Variants in KCNMA1 observed in about 807,000 individuals in gnomAD.
The protein encoded by KCNMA1 is potassium calcium-activated channel subfamily M alpha 1, also known as Calcium-activated potassium channel subunit alpha-1.
In KCNMA1, 29 loss-of-function variants were observed where a neutral mutation model predicts 140.0. The observed-to-expected ratio is 0.21, with a 90% CI of 0.15 to 0.28. KCNMA1 has a LOEUF of 0.28. KCNMA1 is among the 10% of genes least tolerant of loss of function. The probability of loss-of-function intolerance (pLI) is 1.00; values close to 1 mark genes in which losing one functional copy is unlikely to be tolerated. For synonymous variants in KCNMA1, 612 were observed against 611.9 expected, an observed-to-expected ratio of 1.00 and a Z score of 0.00; for missense variants, 880 against 1,602.2, an observed-to-expected ratio of 0.55 and a Z score of 7.70.
At chr10:77,203,727 C>A (rs76484494) in intron 3 of KCNMA1, among the ~76,000 whole-genome samples, 1,574 of 152,192 alleles carry the variant, frequency 0.01, 29 homozygotes, top group African/African-American at 0.035. Flanking sequence ...GATTATAATT[C>A]AACAGTACCA....
At chr10:77,068,688 G>A (rs949521857) in intron 14 of KCNMA1, among the ~76,000 whole-genome samples, 11 of 122,798 alleles carry the variant, frequency 9.0e-5, no homozygotes, top group South Asian at 3.1e-4. Context: ...AGCATACTGT[G>A]TTCCAGGTTT....
chr10:77,630,189 T>C (rs1392957639), intron 1 of KCNMA1, among the ~76,000 whole-genome samples: 3 of 152,218 alleles, frequency 2.0e-5, no homozygotes, highest in African/African-American at 4.8e-5. Flanking sequence ...TAATGCCCAC[T>C]GACTTCAAAC....
intron 3 of KCNMA1, among the ~76,000 whole-genome samples, chr10:77,191,044 T>C (rs1423630634): frequency 2.6e-5 from 4 of 152,188 alleles, no homozygotes; most frequent in Non-Finnish European, 5.9e-5. Context: ...TGATATCATA[T>C]GGATATGGAT....
In KCNMA1 at chr10:77,039,535, C is replaced by T; in HGVS notation, c.1852G>A (p.Val618Ile). 1 of 1,587,872 alleles carries T rather than the reference C, an allele frequency of 6.3e-7. No individual in the cohort carries two copies. Among genetic ancestry groups the T allele is most frequent in the Non-Finnish European group, 8.7e-7 (1 of 1,155,934 alleles). Residue 618 changes from valine (V) to isoleucine (I), a missense_variant, in exon 15 of 28, where the codon GTT becomes ATT. This residue lies in a region of KCNMA1 where 198 missense variants were observed against 580.1 expected (regional missense o/e 0.34). Coordinates refer to ENST00000286628, the MANE Select transcript of KCNMA1 (RefSeq NM_001161352.2). ...SAFVGLSFPTVCELCFVKLKL... is the reference protein window; with the variant it reads ...SAFVGLSFPTICELCFVKLKL... Reference sequence around the variant, plus strand: ...CAGTTAAAGGTCACTTACTCACAAACAGTAGGGAAGGACAGACCCACGAAG... The same window carrying T: ...CAGTTAAAGGTCACTTACTCACAAATAGTAGGGAAGGACAGACCCACGAAG...
At chr10:77,353,817 T>C (rs2154391906) in intron 2 of KCNMA1, among the ~76,000 whole-genome samples, 1 of 152,270 alleles carries the variant, frequency 6.6e-6, no homozygotes, top group South Asian at 2.1e-4. Flanking sequence ...AGATTAGAAC[T>C]CAGGGATTAT....
At chr10:77,300,035 T>A (rs1179009031) in intron 2 of KCNMA1, among the ~76,000 whole-genome samples, 1 of 152,226 alleles carries the variant, frequency 6.6e-6, no homozygotes, top group Non-Finnish European at 1.5e-5. Context: ...ATGCTGAGCC[T>A]CTGTGGCATT....
intron 10 of KCNMA1, 46 bp downstream of exon 10, chr10:77,090,354 G>C: frequency 8.2e-7 from 1 of 1,226,052 alleles, no homozygotes; most frequent in Non-Finnish European, 1.2e-6. Context: ...TCCCTCGCAG[G>C]GTGTGTGGTT....
Position 76,929,058 on chromosome 10 carries a change from GT to G in KCNMA1, c.2903-14010del, listed in dbSNP as rs573651810. On this transcript the variant is annotated intron_variant, in intron 23 of 27. Coordinates refer to ENST00000286628, the MANE Select transcript of KCNMA1 (RefSeq NM_001161352.2). ...ATATACTTAATGCTCACAGAAATGAGTTTTTTTTAAAAAAGTTTCAATATCT... is the reference window on the plus strand; with the variant it reads ...ATATACTTAATGCTCACAGAAATGAGTTTTTTTAAAAAAGTTTCAATATCT... 7.7e-3 allele frequency among the ~76,000 whole-genome samples: 1,175 copies of G among 151,868 alleles called. 14 individuals are homozygous for G. Among genetic ancestry groups the G allele is most frequent in the African/African-American group, 0.027 (1,126 of 41,430 alleles).
At chr10:77,600,042 C>G (rs1471696389) in intron 1 of KCNMA1, among the ~76,000 whole-genome samples, 2 of 152,236 alleles carry the variant, frequency 1.3e-5, no homozygotes, top group Non-Finnish European at 2.9e-5. Context: ...TCACCCTGAG[C>G]ATACGCTGTG....
intron 19 of KCNMA1, among the ~76,000 whole-genome samples, chr10:76,990,439 G>C (rs564284118): frequency 3.7e-4 from 56 of 152,268 alleles, no homozygotes; most frequent in Non-Finnish European, 7.4e-4. Context: ...CCCTAACATA[G>C]AGAGGAGGAA....
intron 1 of KCNMA1, among the ~76,000 whole-genome samples, chr10:77,551,500 C>T (rs1165390728): frequency 6.6e-6 from 1 of 152,170 alleles, no homozygotes. Flanking sequence ...GACTGGATCC[C>T]AAATCCCTGT....
intron 1 of KCNMA1, among the ~76,000 whole-genome samples, chr10:77,462,891 C>T (rs890373772): frequency 2.0e-5 from 3 of 152,176 alleles, no homozygotes; most frequent in African/African-American, 7.2e-5. Flanking sequence ...GCTTGGGAAA[C>T]AGCCAGCATC....
intron 1 of KCNMA1, among the ~76,000 whole-genome samples, chr10:77,470,352 G>C (rs575216214): frequency 6.6e-6 from 1 of 152,292 alleles, no homozygotes; most frequent in Admixed American, 6.5e-5. Flanking sequence ...TGTCACTAAA[G>C]CTGCTTACTG....
intron 2 of KCNMA1, among the ~76,000 whole-genome samples, chr10:77,311,048 G>T (rs975906686): frequency 1.3e-5 from 2 of 152,172 alleles, no homozygotes; most frequent in African/African-American, 4.8e-5. Flanking sequence ...CAGTTCAAAA[G>T]TTTGGCTCTG....
chr10:77,532,666 C>T (rs2057947196), intron 1 of KCNMA1, among the ~76,000 whole-genome samples: 1 of 152,102 alleles, frequency 6.6e-6, no homozygotes, highest in Non-Finnish European at 1.5e-5. Flanking sequence ...GGTTTGTTTC[C>T]ATGGGGGAAG....
chr10:76,925,618 A>G (rs371218449), intron 23 of KCNMA1, among the ~76,000 whole-genome samples: 1 of 152,208 alleles, frequency 6.6e-6, no homozygotes, highest in South Asian at 2.1e-4. Flanking sequence ...CTGAAAATGT[A>G]ACCACTTTTT....
At chr10:77,317,457 G>A (rs1416180864) in intron 2 of KCNMA1, among the ~76,000 whole-genome samples, 5 of 152,202 alleles carry the variant, frequency 3.3e-5, no homozygotes, top group African/African-American at 7.2e-5. Flanking sequence ...TGGTTTCATC[G>A]GGAGTGTTAT....
intron 2 of KCNMA1, among the ~76,000 whole-genome samples, chr10:77,358,462 A>C (rs1289620915): frequency 6.6e-6 from 1 of 151,256 alleles, no homozygotes; most frequent in Non-Finnish European, 1.5e-5. Flanking sequence ...CACTCCCTCC[A>C]CCTCCCTTCT....
chr10:77,538,763 G>A (rs1733343721), intron 1 of KCNMA1, among the ~76,000 whole-genome samples: 1 of 151,894 alleles, frequency 6.6e-6, no homozygotes, highest in South Asian at 2.1e-4. Context: ...GTTAAAATCT[G>A]ACCCAACAGA....
Sources: allele counts gnomAD v4.1 joint callset (sites outside exome capture counted in the v4.1 genomes callset), GRCh38; gene constraint gnomAD v4.1.1; regional missense constraint gnomAD v4.1.1; transcripts MANE v1.5; gene names NCBI Gene and HGNC (gene_info 2026-07-23, HGNC 2026-07-21).